FSTL5: variants seen among roughly 807,000 people sequenced by gnomAD.
FSTL5 encodes the protein follistatin like 5, also known as follistatin-related protein 5.
A neutral mutation model predicts 89.1 loss-of-function variants in FSTL5; 62 were observed. That is an observed-to-expected ratio of 0.70 (90% CI 0.57 to 0.86). FSTL5 has a LOEUF of 0.86. Ranked by LOEUF, FSTL5 falls within the 40% of genes least tolerant of loss-of-function variation. The pLI, the probability that FSTL5 is intolerant of heterozygous loss-of-function variation, is 0.00. For synonymous variants in FSTL5, 383 were observed against 346.2 expected (o/e 1.11, Z -1.18); for missense variants, 1,057 against 1,001.6 (o/e 1.06, Z -0.75).
Position 161,692,079 on chromosome 4 carries a change from GACTA to G in FSTL5, c.728-35589_728-35586del, listed in dbSNP as rs1005445283. On this transcript the variant is annotated intron_variant, in intron 6 of 15. Transcript: ENST00000306100. ...TTCCTTTTGTACGTTTTTTTTTCTT[GACTA>G]ACTGTTTTCATGTATGACTTGCAGT... Among the ~76,000 whole-genome samples, 8 of 149,730 alleles carry G rather than the reference GACTA, an allele frequency of 5.3e-5. No individual in the cohort carries two copies. The South Asian group carries it at 8.4e-4, about 16-fold the overall frequency.
At chr4:161,827,076 G>A (rs1267097695) in intron 4 of FSTL5, among the ~76,000 whole-genome samples, 1 of 152,108 alleles carries the variant, frequency 6.6e-6, no homozygotes, top group Non-Finnish European at 1.5e-5. Flanking sequence ...TGTAGTGCTG[G>A]GTGGACTATG....
At chr4:161,524,341 C>A (rs985221769) in intron 10 of FSTL5, among the ~76,000 whole-genome samples, 1 of 152,130 alleles carries the variant, frequency 6.6e-6, no homozygotes, top group Non-Finnish European at 1.5e-5. Context: ...TGTCTCATGC[C>A]TCCCTAGAAT....
intron 15 of FSTL5, among the ~76,000 whole-genome samples, chr4:161,393,222 A>G (rs72987250): frequency 0.012 from 1,802 of 151,898 alleles, 25 homozygotes; most frequent in African/African-American, 0.04. Flanking sequence ...AATATTACCA[A>G]TGTGTTCATT....
At chr4:161,887,433 TCTAC>T (rs373788036) in intron 4 of FSTL5, among the ~76,000 whole-genome samples, 87 of 149,394 alleles carry the variant, frequency 5.8e-4, no homozygotes, top group African/African-American at 2.1e-3. Context: ...CTATCATCTA[TCTAC>T]CTATCATCTA....
chr4:162,014,469 G>GAAAAAT (rs1736858870), intron 3 of FSTL5, among the ~76,000 whole-genome samples: 1 of 149,772 alleles, frequency 6.7e-6, no homozygotes, highest in Non-Finnish European at 1.5e-5. Flanking sequence ...TCAGAGATTT[G>GAAAAAT]AAAAATAATA....
At chr4:162,128,986 A>C (rs1411869986) in intron 1 of FSTL5, among the ~76,000 whole-genome samples, 1 of 147,372 alleles carries the variant, frequency 6.8e-6, no homozygotes, top group Non-Finnish European at 1.5e-5. Context: ...CAGTGGCGCC[A>C]TCTGGGCGGC....
At chr4:161,759,127 T>G (rs1453877000) in intron 6 of FSTL5, among the ~76,000 whole-genome samples, 2 of 152,220 alleles carry the variant, frequency 1.3e-5, no homozygotes, top group Non-Finnish European at 2.9e-5. Flanking sequence ...CCTCCTGCTC[T>G]AAAATAACCT....
intron 5 of FSTL5, among the ~76,000 whole-genome samples, chr4:161,771,479 G>A (rs1430490821): frequency 1.3e-5 from 2 of 152,068 alleles, no homozygotes; most frequent in African/African-American, 4.8e-5. Flanking sequence ...TAGTAGAGAT[G>A]TGATTTGAAC....
At chr4:161,700,103 C>T (rs948098619) in intron 6 of FSTL5, among the ~76,000 whole-genome samples, 19 of 152,100 alleles carry the variant, frequency 1.2e-4, no homozygotes, top group Admixed American at 9.8e-4. Context: ...TGTAATAGCA[C>T]ATGAGTACAT....
In FSTL5 at chr4:161,513,272, G is replaced by GGGAGAGA. The variant is rs1349844190; in HGVS notation, c.1313-2849_1313-2848insTCTCTCC. 5.8e-3 allele frequency among the ~76,000 whole-genome samples: 638 copies of GGGAGAGA among 110,014 alleles called. 12 individuals carry two copies. Among genetic ancestry groups the GGGAGAGA allele is most frequent in the African/African-American group, 0.02 (584 of 28,548 alleles). The allele number at this position is 110,014 out of a possible 152,430, so 72.2% of individuals were successfully genotyped here. A position where few individuals can be genotyped will look rare whatever the true frequency, so the allele number is the denominator to read the frequency against. Reference sequence around the variant, plus strand: ...ACTGAACTGAACCAAACAAGGAGGGGGAGAGAGAGAGAGAGAGAGAGAGAG... The same window carrying GGGAGAGA: ...ACTGAACTGAACCAAACAAGGAGGGGGGAGAGAGAGAGAGAGAGAGAGAGAGAGAGAG... On this transcript the variant is annotated intron_variant, in intron 10 of 15. Transcript: ENST00000306100.
At chr4:161,483,517 A>G (rs373570440) in intron 12 of FSTL5, among the ~76,000 whole-genome samples, 1 of 152,338 alleles carries the variant, frequency 6.6e-6, no homozygotes, top group African/African-American at 2.4e-5. Context: ...TGCTGTCCCT[A>G]TAAGACATCC....
intron 6 of FSTL5, among the ~76,000 whole-genome samples, chr4:161,716,069 C>T (rs529039955): frequency 6.6e-6 from 1 of 152,152 alleles, no homozygotes; most frequent in Non-Finnish European, 1.5e-5. Flanking sequence ...GCCTTGGCCA[C>T]CTCTCTGACA....
At chr4:161,990,858 G>T (rs911584210) in intron 3 of FSTL5, among the ~76,000 whole-genome samples, 3 of 152,046 alleles carry the variant, frequency 2.0e-5, no homozygotes, top group African/African-American at 7.2e-5. Flanking sequence ...ATTTGAAATT[G>T]AACTGTGGAG....
At chr4:161,699,578 A>G (rs1204679178) in intron 6 of FSTL5, among the ~76,000 whole-genome samples, 1 of 152,218 alleles carries the variant, frequency 6.6e-6, no homozygotes, top group Non-Finnish European at 1.5e-5. Flanking sequence ...TATTTCATAG[A>G]AAATTAAACT....
At chr4:161,612,083 T>C (rs557273507) in intron 7 of FSTL5, among the ~76,000 whole-genome samples, 1 of 152,362 alleles carries the variant, frequency 6.6e-6, no homozygotes, top group East Asian at 1.9e-4. Context: ...AAAGAGTTTC[T>C]TCACATTGTG....
chr4:161,414,985 A>C (rs954913848), intron 15 of FSTL5, among the ~76,000 whole-genome samples: 1 of 152,186 alleles, frequency 6.6e-6, no homozygotes, highest in African/African-American at 2.4e-5. Flanking sequence ...CTACTAATGC[A>C]TAACCAGTGA....
At chr4:161,839,354 G>A (rs766409308) in intron 4 of FSTL5, among the ~76,000 whole-genome samples, 1 of 152,214 alleles carries the variant, frequency 6.6e-6, no homozygotes, top group Admixed American at 6.5e-5. Context: ...TCTACAGACT[G>A]TATAGACACA....
At chr4:161,659,322 T>C (rs1466894084) in intron 6 of FSTL5, among the ~76,000 whole-genome samples, 2 of 152,142 alleles carry the variant, frequency 1.3e-5, no homozygotes, top group East Asian at 3.9e-4. Context: ...CTATGTTGTA[T>C]AGAAAAAATA....
At chr4:161,700,466 TC>T (rs1426225165) in intron 6 of FSTL5, among the ~76,000 whole-genome samples, 1 of 152,198 alleles carries the variant, frequency 6.6e-6, no homozygotes, top group African/African-American at 2.4e-5. Flanking sequence ...TATATTTTTT[TC>T]TTTTTTCTTT....
Sources: allele counts gnomAD v4.1 joint callset (sites outside exome capture counted in the v4.1 genomes callset), GRCh38; gene constraint gnomAD v4.1.1; transcripts MANE v1.5; gene names NCBI Gene and HGNC (gene_info 2026-07-23, HGNC 2026-07-21).